NTN1: variants seen among roughly 807,000 people sequenced by gnomAD.
The protein encoded by NTN1 is netrin 1.
Under a neutral mutation model 54.2 loss-of-function variants are expected in NTN1, and 11 were observed. The observed-to-expected ratio is 0.20, with a 90% confidence interval of 0.13 to 0.34. NTN1 has a LOEUF of 0.34. Ranked by LOEUF, NTN1 falls within the 10% of genes least tolerant of loss-of-function variation. The pLI is 1.00. For synonymous variants in NTN1, 371 were observed against 382.0 expected, an observed-to-expected ratio of 0.97 and a Z score of 0.33; for missense variants, 740 against 893.1, an observed-to-expected ratio of 0.83 and a Z score of 2.18.
At chr17:9,088,677 C>T (rs1361887741) in intron 2 of NTN1, among the ~76,000 whole-genome samples, 5 of 152,122 alleles carry the variant, frequency 3.3e-5, no homozygotes, top group Admixed American at 6.6e-5. Flanking sequence ...AGGATTTTTC[C>T]GCTTCAATTA....
At chr17:9,163,876 A>C (rs1035017219) in intron 3 of NTN1, among the ~76,000 whole-genome samples, 2 of 152,210 alleles carry the variant, frequency 1.3e-5, no homozygotes, top group African/African-American at 4.8e-5. Flanking sequence ...AGGGCCTGCC[A>C]TGAACATGGC....
chr17:9,181,576 TG>T (rs2142318467), intron 4 of NTN1, among the ~76,000 whole-genome samples: 1 of 152,340 alleles, frequency 6.6e-6, no homozygotes, highest in African/African-American at 2.4e-5. Context: ...GAGCAAGATT[TG>T]ACCCCAAATT....
At chr17:9,044,255 G>A (rs1291708862) in intron 2 of NTN1, among the ~76,000 whole-genome samples, 1 of 150,546 alleles carries the variant, frequency 6.6e-6, no homozygotes, top group East Asian at 2.0e-4. Context: ...TCCTTTTTGG[G>A]GCGGAGTCTC....
chr17:9,092,433 G>T (rs12940461), intron 2 of NTN1, among the ~76,000 whole-genome samples: 6 of 146,402 alleles, frequency 4.1e-5, no homozygotes, highest in African/African-American at 1.5e-4. Flanking sequence ...TATTATAGGC[G>T]CAAACCACCA....
At chr17:9,087,441 G>C (rs1597482752) in intron 2 of NTN1, among the ~76,000 whole-genome samples, 4 of 152,344 alleles carry the variant, frequency 2.6e-5, no homozygotes, top group Admixed American at 2.6e-4. Flanking sequence ...ACTTCGTCTT[G>C]ATGACAACAG....
At chr17:9,143,412 C>G (rs1369401715) in intron 2 of NTN1, among the ~76,000 whole-genome samples, 4 of 152,220 alleles carry the variant, frequency 2.6e-5, no homozygotes, top group African/African-American at 9.6e-5. Context: ...TTTTATTTGC[C>G]TGCAACAGGG....
In NTN1 at chr17:9,239,299, A is replaced by C. The variant is rs1239420741; in HGVS notation, c.1487-341A>C. On this transcript the variant is annotated intron_variant, in intron 6 of 6. Transcript: ENST00000173229. This position sits in a 1 kb window ranked among gnomAD's most constrained non-coding sequence, Gnocchi z 5.2. ...TCCCCGCCAGCACTGCTCTCACCCG[A>C]GCGCCTGCCCTGGGCAGACAGCTTG... Among the ~76,000 whole-genome samples the C allele has an allele frequency of 6.6e-6, 1 of 152,082 alleles. No individual in the cohort carries two copies. Among genetic ancestry groups the C allele is most frequent in the African/African-American group, 2.4e-5 (1 of 41,410 alleles).
At position 9,238,233 on chromosome 17, in the gene NTN1, C is replaced by T. The variant is rs973107056; in HGVS notation, c.1487-1407C>T. ...AAGTGGGGAAGTGATGACTGCTGGA[C>T]GTTCCCTGGGGAGGTGTCCTTGTGG... On this transcript the variant is annotated intron_variant, in intron 6 of 6. Transcript: ENST00000173229. Among the ~76,000 whole-genome samples, 4 of 152,130 alleles carry T rather than the reference C, an allele frequency of 2.6e-5. No individual in the cohort carries two copies. In the South Asian group the frequency reaches 6.2e-4, roughly 24 times the overall value.
At position 9,165,431 on chromosome 17, in the gene NTN1, G is replaced by A. The variant is rs187859535; in HGVS notation, c.1207+2430G>A. 2.5e-3 allele frequency among the ~76,000 whole-genome samples: 382 copies of A among 152,330 alleles called. No individual in the cohort carries two copies. The highest frequency in any genetic ancestry group is 3.9e-3 in the Non-Finnish European group (262 of 68,028). On this transcript the variant is annotated intron_variant, in intron 3 of 6. Transcript: ENST00000173229. This position sits in a 1 kb window ranked among gnomAD's most constrained non-coding sequence, Gnocchi z 4.5. The stretch of plus-strand genomic sequence containing the variant: ...CCTTCCTTTACTGGTTTGTAGGAGG[G>A]CCAGATGCAAATAAATGAGGATGTG...
At chr17:9,180,585 G>A (rs2092415887) in intron 4 of NTN1, among the ~76,000 whole-genome samples, 1 of 152,196 alleles carries the variant, frequency 6.6e-6, no homozygotes, top group African/African-American at 2.4e-5. Flanking sequence ...ATCTGGGTGG[G>A]CCCATTCCAG....
chr17:9,145,009 A>T (rs1239395694), intron 2 of NTN1, among the ~76,000 whole-genome samples: 1 of 152,184 alleles, frequency 6.6e-6, no homozygotes, highest in African/African-American at 2.4e-5. Context: ...CAGAAGGTGG[A>T]GCGGCGGGGG....
At chr17:9,202,725 C>T (rs1481712463) in intron 5 of NTN1, among the ~76,000 whole-genome samples, 2 of 152,028 alleles carry the variant, frequency 1.3e-5, no homozygotes, top group East Asian at 3.9e-4. Flanking sequence ...ACTTTTTTGC[C>T]TTATTAAGCA....
At chr17:9,106,312 T>C (rs1338975863) in intron 2 of NTN1, among the ~76,000 whole-genome samples, 1 of 152,184 alleles carries the variant, frequency 6.6e-6, no homozygotes, top group Non-Finnish European at 1.5e-5. Context: ...GGGGGCAGAA[T>C]TTTTGTGTGA....
chr17:9,210,634 C>T (rs1055875015), intron 5 of NTN1, among the ~76,000 whole-genome samples: 11 of 152,140 alleles, frequency 7.2e-5, no homozygotes, highest in Non-Finnish European at 1.5e-4. Flanking sequence ...TCACCTCGGC[C>T]GGTCGCTCAC....
chr17:9,201,930 G>A (rs574831411), intron 5 of NTN1, among the ~76,000 whole-genome samples: 81 of 151,192 alleles, frequency 5.4e-4, no homozygotes, highest in Non-Finnish European at 1.1e-3. Flanking sequence ...GCTCACGCTT[G>A]TAATCCTAGC....
intron 3 of NTN1, among the ~76,000 whole-genome samples, chr17:9,179,287 C>T (rs1597522146): frequency 6.6e-6 from 1 of 152,310 alleles, no homozygotes; most frequent in East Asian, 1.9e-4. Context: ...CTGGGGGAGC[C>T]ACCCCTCCCT....
intron 5 of NTN1, among the ~76,000 whole-genome samples, chr17:9,188,360 G>A (rs1021952997): frequency 2.0e-5 from 3 of 150,704 alleles, no homozygotes; most frequent in African/African-American, 4.9e-5. Flanking sequence ...CCTGGGAGGT[G>A]GAGGTTGCAG....
chr17:9,029,313 A>G (rs2091881546), intron 2 of NTN1, among the ~76,000 whole-genome samples: 2 of 152,190 alleles, frequency 1.3e-5, no homozygotes, highest in African/African-American at 4.8e-5. Context: ...TCAAAGACAG[A>G]TGTCCTGGCC....
chr17:9,014,234 T>G, the NTN1 span, among the ~76,000 whole-genome samples: 1 of 152,212 alleles, frequency 6.6e-6, no homozygotes, highest in East Asian at 1.9e-4. Flanking sequence ...GACCTGGGAT[T>G]CCCTGAGTAA....
Sources: allele counts gnomAD v4.1 joint callset (sites outside exome capture counted in the v4.1 genomes callset), GRCh38; gene constraint gnomAD v4.1.1; non-coding constraint Gnocchi (gnomAD v3.1); transcripts MANE v1.5; gene names NCBI Gene and HGNC (gene_info 2026-07-23, HGNC 2026-07-21).